PLCXD3: variants seen among roughly 807,000 people sequenced by gnomAD.
PLCXD3 encodes the protein phosphatidylinositol specific phospholipase C X domain containing 3, also known as PI-PLC X domain-containing protein 3.
Under a neutral mutation model 25.5 loss-of-function variants are expected in PLCXD3, and 19 were observed. That is an observed-to-expected ratio of 0.75 (90% CI 0.52 to 1.09). The LOEUF is 1.09. Among genes scored for constraint, PLCXD3 ranks in the 50% least tolerant of loss-of-function variants. The pLI is 0.00. For missense variants in PLCXD3, 411 were observed against 388.1 expected, an observed-to-expected ratio of 1.06 and a Z score of -0.50; for synonymous variants, 174 against 137.6, an observed-to-expected ratio of 1.26 and a Z score of -1.85.
intron 2 of PLCXD3, among the ~76,000 whole-genome samples, chr5:41,379,979 C>T (rs894696633): frequency 2.0e-5 from 3 of 151,954 alleles, no homozygotes; most frequent in South Asian, 2.1e-4. Context: ...AGAGCAGTCC[C>T]GGCTAATGGA....
intron 2 of PLCXD3, among the ~76,000 whole-genome samples, chr5:41,376,543 A>C (rs1745301191): frequency 6.6e-6 from 1 of 152,046 alleles, no homozygotes; most frequent in Non-Finnish European, 1.5e-5. Flanking sequence ...TTCTGTAACC[A>C]ACCCTGATTT....
chr5:41,468,209 G>A (rs1302045825), intron 1 of PLCXD3, among the ~76,000 whole-genome samples: 3 of 151,550 alleles, frequency 2.0e-5, no homozygotes, highest in Non-Finnish European at 4.4e-5. Flanking sequence ...GTAGAGACAG[G>A]GTTTTACTAT....
rs150477234 is a variant in PLCXD3 at position 41,510,509 on chromosome 5, C to T, written c.18G>A (p.Gly6=). 6.2e-6 allele frequency: 10 copies of T among 1,613,162 alleles called. No individual in the cohort carries two copies. The African/African-American group carries it at 1.3e-4, about 22-fold the overall frequency. MASSQ[G]KNELKLADWM... ...AGTCGGCTAATTTCAGCTCGTTTTT[C>T]CCCTGAGACGAGGCCATCGTGCCAG... Residue 6 remains glycine (G), a synonymous_variant, in exon 1 of 3, where the codon GGG becomes GGA. Coordinates refer to ENST00000377801, the MANE Select transcript of PLCXD3 (RefSeq NM_001005473.3).
chr5:41,479,117 G>A (rs1272485420), intron 1 of PLCXD3, among the ~76,000 whole-genome samples: 4 of 152,070 alleles, frequency 2.6e-5, no homozygotes. Flanking sequence ...TAAACAAAAT[G>A]TGGTATATTC....
chr5:41,493,932 C>T (rs941191104), intron 1 of PLCXD3, among the ~76,000 whole-genome samples: 8 of 152,178 alleles, frequency 5.3e-5, no homozygotes, highest in Non-Finnish European at 1.2e-4. Context: ...GCGCACAGTG[C>T]GCTGCACCCA....
chr5:41,385,860 C>A (rs1298642973), intron 1 of PLCXD3, among the ~76,000 whole-genome samples: 2 of 152,200 alleles, frequency 1.3e-5, no homozygotes, highest in East Asian at 3.9e-4. Flanking sequence ...TTTAGACTAA[C>A]AGCTCTGAAG....
At chr5:41,421,258 T>C (rs1746813715) in intron 1 of PLCXD3, among the ~76,000 whole-genome samples, 2 of 152,348 alleles carry the variant, frequency 1.3e-5, no homozygotes, top group South Asian at 4.1e-4. Flanking sequence ...CAACTATACA[T>C]TATTCAATCC....
At chr5:41,482,944 G>C (rs1748444120) in intron 1 of PLCXD3, among the ~76,000 whole-genome samples, 1 of 152,054 alleles carries the variant, frequency 6.6e-6, no homozygotes, top group Non-Finnish European at 1.5e-5. Context: ...CTCCACCCTA[G>C]CACTGGCAAC....
chr5:41,452,519 C>T (rs1028557102), intron 1 of PLCXD3, among the ~76,000 whole-genome samples: 1 of 151,902 alleles, frequency 6.6e-6, no homozygotes, highest in Non-Finnish European at 1.5e-5. Context: ...AGTAGGCATA[C>T]CTTAGACTCC....
intron 1 of PLCXD3, among the ~76,000 whole-genome samples, chr5:41,497,825 A>G (rs1748872874): frequency 6.6e-6 from 1 of 151,910 alleles, no homozygotes; most frequent in Non-Finnish European, 1.5e-5. Flanking sequence ...AATTATACCA[A>G]GTATCCTTCA....
At chr5:41,343,894 A>G (rs1561239158) in intron 2 of PLCXD3, among the ~76,000 whole-genome samples, 1 of 152,112 alleles carries the variant, frequency 6.6e-6, no homozygotes, top group African/African-American at 2.4e-5. Context: ...CAATTGGATG[A>G]TTTGTTTGTC....
intron 1 of PLCXD3, among the ~76,000 whole-genome samples, chr5:41,427,531 A>G (rs1009456087): frequency 6.6e-6 from 1 of 152,144 alleles, no homozygotes; most frequent in African/African-American, 2.4e-5. Flanking sequence ...CACTTATGTG[A>G]ATGTCTGTAT....
chr5:41,494,514 A>G (rs1435436924), intron 1 of PLCXD3, among the ~76,000 whole-genome samples: 2 of 152,164 alleles, frequency 1.3e-5, no homozygotes, highest in Non-Finnish European at 2.9e-5. Context: ...TCACTCCTAG[A>G]TTTTGGGCTT....
rs533812479 is a variant in PLCXD3 at position 41,474,031 on chromosome 5, C to A, written c.103+36393G>T. 7.2e-5 allele frequency among the ~76,000 whole-genome samples: 11 copies of A among 152,276 alleles called. No individual in the cohort carries two copies. In the East Asian group the frequency reaches 2.1e-3, roughly 29 times the overall value. On this transcript the variant is annotated intron_variant, in intron 1 of 2. Coordinates refer to ENST00000377801, the MANE Select transcript of PLCXD3 (RefSeq NM_001005473.3). ...TACTACTTGAGACCATCATTACAAC[C>A]GTTACTACTGTTACTACTTGAGACC...
Position 41,441,821 on chromosome 5 carries a change from G to A in PLCXD3, c.104-59287C>T, listed in dbSNP as rs563021746. Among the ~76,000 whole-genome samples the A allele has an allele frequency of 3.3e-5, 5 of 152,294 alleles. No homozygotes were observed. In the South Asian group the frequency reaches 1.0e-3, roughly 32 times the overall value. Reference sequence around the variant, plus strand: ...GAATGAAAATAACAATATGATCTATGATAAATGTGGAGACCCAGGTTGTCT... The same window carrying A: ...GAATGAAAATAACAATATGATCTATAATAAATGTGGAGACCCAGGTTGTCT... On this transcript the variant is annotated intron_variant, in intron 1 of 2. Coordinates refer to ENST00000377801, the MANE Select transcript of PLCXD3 (RefSeq NM_001005473.3).
chr5:41,367,006 A>C (rs571388695), intron 2 of PLCXD3, among the ~76,000 whole-genome samples: 1 of 152,332 alleles, frequency 6.6e-6, no homozygotes, highest in African/African-American at 2.4e-5. Flanking sequence ...TCTATGATGC[A>C]TATATACCAC....
At chr5:41,416,597 A>C (rs1049068723) in intron 1 of PLCXD3, among the ~76,000 whole-genome samples, 3 of 152,212 alleles carry the variant, frequency 2.0e-5, no homozygotes, top group Admixed American at 6.5e-5. Flanking sequence ...CTCTTTTGCT[A>C]AACAGTGACA....
At chr5:41,417,614 T>C (rs1208711452) in intron 1 of PLCXD3, among the ~76,000 whole-genome samples, 1 of 152,186 alleles carries the variant, frequency 6.6e-6, no homozygotes, top group Non-Finnish European at 1.5e-5. Context: ...AACACATTGA[T>C]ATTAACTACT....
At chr5:41,454,514 A>G (rs1282558175) in intron 1 of PLCXD3, among the ~76,000 whole-genome samples, 1 of 151,898 alleles carries the variant, frequency 6.6e-6, no homozygotes, top group Non-Finnish European at 1.5e-5. Flanking sequence ...AGCCCTAATG[A>G]CCTAATTACC....
Sources: allele counts gnomAD v4.1 joint callset (sites outside exome capture counted in the v4.1 genomes callset), GRCh38; gene constraint gnomAD v4.1.1; transcripts MANE v1.5; gene names NCBI Gene and HGNC (gene_info 2026-07-23, HGNC 2026-07-21).